TCF12: variants seen among roughly 807,000 people sequenced by gnomAD.
TCF12 encodes the protein DNA-binding protein HTF4.
Under a neutral mutation model 86.0 loss-of-function variants are expected in TCF12, and 45 were observed. That is an observed-to-expected ratio of 0.52 (90% confidence interval 0.41 to 0.67). The LOEUF is 0.67. Among genes scored for constraint, TCF12 ranks in the 30% least tolerant of loss-of-function variants. TCF12 has a pLI of 0.00. For missense variants in TCF12, 881 were observed against 859.9 expected (o/e 1.02, Z -0.31); for synonymous variants, 330 against 299.6 (o/e 1.10, Z -1.05).
chr15:56,964,174 C>T (rs1338884878), intron 3 of TCF12, among the ~76,000 whole-genome samples: 6 of 152,118 alleles, frequency 3.9e-5, no homozygotes, highest in African/African-American at 9.7e-5. Flanking sequence ...GAACAAGTTT[C>T]GAAGAATGTA....
chr15:57,277,627 C>CAAAAAA (rs572510620), intron 19 of TCF12, among the ~76,000 whole-genome samples: 1 of 74,910 alleles, frequency 1.3e-5, no homozygotes. Context: ...GACTCCATCT[C>CAAAAAA]AAAAAAAAAA....
intron 3 of TCF12, among the ~76,000 whole-genome samples, chr15:56,958,002 G>A (rs183981484): frequency 2.0e-5 from 3 of 152,288 alleles, no homozygotes; most frequent in East Asian, 3.9e-4. Context: ...CAGTCTGGAT[G>A]TTGAGAATAG....
chr15:57,165,281 T>C (rs2054802777), intron 5 of TCF12, among the ~76,000 whole-genome samples: 1 of 152,156 alleles, frequency 6.6e-6, no homozygotes, highest in Admixed American at 6.5e-5. Flanking sequence ...TGGAATATTG[T>C]ATAGCAGTAA....
intron 5 of TCF12, among the ~76,000 whole-genome samples, chr15:57,144,202 T>C (rs2053198500): frequency 6.6e-6 from 1 of 152,164 alleles, no homozygotes; most frequent in East Asian, 1.9e-4. Flanking sequence ...GCCAAATGCT[T>C]ATGTGTTCAT....
intron 3 of TCF12, among the ~76,000 whole-genome samples, chr15:56,967,848 A>C (rs1328391314): frequency 1.3e-5 from 2 of 152,212 alleles, no homozygotes; most frequent in East Asian, 3.8e-4. Flanking sequence ...GAATTTCCAG[A>C]AAAGTGTGAA....
At chr15:57,062,842 G>T (rs74576465) in intron 3 of TCF12, among the ~76,000 whole-genome samples, 1 of 152,178 alleles carries the variant, frequency 6.6e-6, no homozygotes, top group Admixed American at 6.5e-5. Context: ...TTTCTGTGTT[G>T]ATGAATTTCA....
intron 18 of TCF12, among the ~76,000 whole-genome samples, chr15:57,264,869 A>G (rs2060776033): frequency 1.3e-5 from 2 of 152,142 alleles, no homozygotes; most frequent in Admixed American, 6.5e-5. Context: ...AGCTGGGACT[A>G]CAGGTGCCTG....
chr15:57,073,898 A>G (rs2464431), intron 4 of TCF12, among the ~76,000 whole-genome samples: 86,515 of 151,650 alleles, frequency 0.57, 24,892 homozygotes, highest in Admixed American at 0.61. Flanking sequence ...ACAGGCGCCC[A>G]CCACCACTCC....
chr15:57,144,991 A>G (rs745623123), intron 5 of TCF12, among the ~76,000 whole-genome samples: 25 of 152,184 alleles, frequency 1.6e-4, no homozygotes, highest in Non-Finnish European at 3.5e-4. Flanking sequence ...GGAATATACT[A>G]TATACTATGA....
Position 57,012,496 on chromosome 15 carries a change from C to G in TCF12, c.149-51254C>G, listed in dbSNP as rs980830105. On this transcript the variant is annotated intron_variant, in intron 3 of 20. Transcript: ENST00000333725. ...ACGCCGCATTGATCTACAAGTGTGG[C>G]TCTCAGGAATTATTAACAGATTGGA... Among the ~76,000 whole-genome samples the G allele has an allele frequency of 4.6e-5, 7 of 152,296 alleles. No individual in the cohort carries two copies. In the East Asian group the frequency reaches 1.2e-3, roughly 25 times the overall value.
chr15:57,271,978 C>T (rs1230988455), intron 18 of TCF12, among the ~76,000 whole-genome samples: 4 of 152,140 alleles, frequency 2.6e-5, no homozygotes, highest in Admixed American at 2.6e-4. Context: ...TTTCCTCCAT[C>T]CCGTGGTCCT....
In TCF12 at chr15:57,247,485, G is replaced by A. The variant is rs1352310777; in HGVS notation, c.1115-3865G>A. On this transcript the variant is annotated intron_variant, in intron 13 of 20. Transcript: ENST00000333725. ...TCACAGTTATGCCCATTAATAGTGTGGCATTTCTGAACAACAATTTTATCA... is the reference window on the plus strand; with the variant it reads ...TCACAGTTATGCCCATTAATAGTGTAGCATTTCTGAACAACAATTTTATCA... 6.7e-6 allele frequency: 5 copies of A among 749,328 alleles called. No individual in the cohort carries two copies. The East Asian group carries it at 1.2e-4, about 19-fold the overall frequency. The allele number at this position is 749,328 out of a possible 1,614,324, so 46.4% of individuals were successfully genotyped here.
intron 5 of TCF12, among the ~76,000 whole-genome samples, chr15:57,148,022 G>A (rs962700206): frequency 6.6e-6 from 1 of 151,746 alleles, no homozygotes; most frequent in East Asian, 1.9e-4. Context: ...GGGAGTACAG[G>A]TGCACGTCAC....
intron 5 of TCF12, among the ~76,000 whole-genome samples, chr15:57,155,251 T>C (rs1714785442): frequency 2.6e-5 from 4 of 152,190 alleles, no homozygotes; most frequent in African/African-American, 2.4e-5. Flanking sequence ...TCAGCAAATA[T>C]TCTATTCTGA....
chr15:57,174,034 T>A (rs2733341), intron 6 of TCF12, among the ~76,000 whole-genome samples: 67,955 of 152,084 alleles, frequency 0.45, 17,211 homozygotes, highest in Non-Finnish European at 0.56. Flanking sequence ...AGTTAATTCA[T>A]ATCAAAAACC....
At chr15:57,065,241 A>G (rs1185315825) in intron 4 of TCF12, among the ~76,000 whole-genome samples, 2 of 152,226 alleles carry the variant, frequency 1.3e-5, no homozygotes, top group Non-Finnish European at 2.9e-5. Context: ...TATGCTGAGT[A>G]TGTCAGGACT....
At chr15:56,924,917 G>A (rs2059937375) in intron 3 of TCF12, among the ~76,000 whole-genome samples, 1 of 152,170 alleles carries the variant, frequency 6.6e-6, no homozygotes, top group African/African-American at 2.4e-5. Flanking sequence ...TGAAAAACAA[G>A]GTCGGGTGTG....
intron 5 of TCF12, among the ~76,000 whole-genome samples, chr15:57,128,278 T>C (rs1181813263): frequency 6.6e-6 from 1 of 152,226 alleles, no homozygotes; most frequent in African/African-American, 2.4e-5. Flanking sequence ...CAGGTAGCTT[T>C]ATTAAGCTCT....
At chr15:56,959,731 C>T (rs934710001) in intron 3 of TCF12, among the ~76,000 whole-genome samples, 8 of 151,944 alleles carry the variant, frequency 5.3e-5, no homozygotes, top group African/African-American at 7.3e-5. Context: ...TTTTTACATT[C>T]GGATATCAAA....
Sources: allele counts gnomAD v4.1 joint callset (sites outside exome capture counted in the v4.1 genomes callset), GRCh38; gene constraint gnomAD v4.1.1; transcripts MANE v1.5; gene names NCBI Gene and HGNC (gene_info 2026-07-23, HGNC 2026-07-21).